The following SLC24A2 variants were observed in gnomAD, a reference collection of about 807,000 sequenced individuals.
SLC24A2 encodes solute carrier family 24 member 2, also known as sodium/potassium/calcium exchanger 2.
A neutral mutation model predicts 62.0 loss-of-function variants in SLC24A2; 36 were observed. The observed-to-expected ratio is 0.58, with a 90% CI of 0.44 to 0.77. SLC24A2 has a LOEUF of 0.77. Ranked by LOEUF, SLC24A2 falls within the 30% of genes least tolerant of loss-of-function variation. The probability of loss-of-function intolerance (pLI) is 0.00; values close to 1 mark genes in which losing one functional copy is unlikely to be tolerated. For synonymous variants in SLC24A2, 358 were observed against 294.0 expected (o/e 1.22, Z -2.23); for missense variants, 846 against 817.9 (o/e 1.03, Z -0.42).
At chr9:19,967,527 C>G in the SLC24A2 span, 1 of 152,340 alleles carries the variant, frequency 6.6e-6, no homozygotes, top group South Asian at 2.1e-4. Context: ...CAGAGTCAGT[C>G]TCTAATGTAG....
the SLC24A2 span, among the ~76,000 whole-genome samples, chr9:19,989,319 G>T: frequency 6.6e-6 from 1 of 152,058 alleles, no homozygotes; most frequent in African/African-American, 2.4e-5. Flanking sequence ...TTTTTAAAAT[G>T]AGAGGGAGGT....
intron 2 of SLC24A2, among the ~76,000 whole-genome samples, chr9:19,749,027 A>C (rs987390556): frequency 2.7e-5 from 4 of 150,728 alleles, no homozygotes; most frequent in Non-Finnish European, 4.4e-5. Context: ...CAGCTTCCAG[A>C]GTTATTTCCA....
intron 2 of SLC24A2, among the ~76,000 whole-genome samples, chr9:19,757,885 T>C (rs1007909): frequency 0.74 from 112,657 of 151,796 alleles, 42,083 homozygotes; most frequent in South Asian, 0.8. Context: ...AATAGATTAG[T>C]TCCCTCTAGA....
the SLC24A2 span, among the ~76,000 whole-genome samples, chr9:19,951,889 T>C: frequency 6.6e-6 from 1 of 152,130 alleles, no homozygotes; most frequent in African/African-American, 2.4e-5. Context: ...AGGATTTTAA[T>C]TGGGGTTACA....
the SLC24A2 span, among the ~76,000 whole-genome samples, chr9:19,836,954 A>G: frequency 6.6e-6 from 1 of 152,234 alleles, no homozygotes; most frequent in Non-Finnish European, 1.5e-5. Context: ...AATTCAGCAT[A>G]TAAACAGAAC....
chr9:20,076,922 TTATATATATTTG>T, the SLC24A2 span, among the ~76,000 whole-genome samples: 2 of 147,224 alleles, frequency 1.4e-5, no homozygotes, highest in Non-Finnish European at 3.0e-5. Context: ...TATACCACAT[TTATATATATTTG>T]TATATATATT....
chr9:20,186,795 T>C, the SLC24A2 span, among the ~76,000 whole-genome samples: 1 of 152,190 alleles, frequency 6.6e-6, no homozygotes, highest in African/African-American at 2.4e-5. Context: ...ACAGAGTAAG[T>C]ATTTAATCAA....
the SLC24A2 span, among the ~76,000 whole-genome samples, chr9:19,904,322 T>C: frequency 5.8e-4 from 89 of 152,270 alleles, 1 homozygote; most frequent in African/African-American, 2.1e-3. Flanking sequence ...CTCTAACCCA[T>C]CATGAGATTA....
chr9:20,175,607 G>A, the SLC24A2 span, among the ~76,000 whole-genome samples: 20 of 151,948 alleles, frequency 1.3e-4, no homozygotes, highest in African/African-American at 3.9e-4. Context: ...ACTAAAAACC[G>A]TCAAAGTGCT....
chr9:19,788,823 G>T, intron 1 of SLC24A2, 62 bp downstream of exon 1: 1 of 985,456 alleles, frequency 1.0e-6, no homozygotes, highest in Non-Finnish European at 1.2e-6. Flanking sequence ...GCGCAACCGG[G>T]ATGCGGGGAC....
intron 2 of SLC24A2, among the ~76,000 whole-genome samples, chr9:19,636,315 T>TTTTCTTTTCTTTCCTTTTCTTTCC: frequency 2.5e-4 from 10 of 40,320 alleles, no homozygotes; most frequent in African/African-American, 8.1e-4. Context: ...TTTTCTTTTC[T>TTTTCTTTTCTTTCCTTTTCTTTCC]TTTCTTTCTT....
chr9:20,041,165 C>T, the SLC24A2 span, among the ~76,000 whole-genome samples: 1,143 of 149,052 alleles, frequency 7.7e-3, 47 homozygotes, highest in East Asian at 0.098. Context: ...TGCGCGCGTG[C>T]GCACGTGTGC....
chr9:20,194,995 C>T, the SLC24A2 span, among the ~76,000 whole-genome samples: 2 of 152,096 alleles, frequency 1.3e-5, no homozygotes, highest in Admixed American at 1.3e-4. Context: ...CATCCGTAAA[C>T]CATGTAAATT....
intron 2 of SLC24A2, among the ~76,000 whole-genome samples, chr9:19,644,714 AAAC>A (rs143857441): frequency 0.03 from 4,527 of 151,370 alleles, 70 homozygotes; most frequent in Middle Eastern, 0.068. Flanking sequence ...AATATGCTTG[AAAC>A]AACAAGTTCA....
the SLC24A2 span, among the ~76,000 whole-genome samples, chr9:20,081,303 A>C: frequency 1.3e-5 from 2 of 152,080 alleles, no homozygotes; most frequent in Non-Finnish European, 2.9e-5. Flanking sequence ...CAGCCATAAA[A>C]AATGATGAGT....
At chr9:19,525,765 G>GTTTTTTT (rs71496823) in intron 9 of SLC24A2, among the ~76,000 whole-genome samples, 2 of 99,132 alleles carry the variant, frequency 2.0e-5, no homozygotes, top group African/African-American at 3.8e-5. Flanking sequence ...ACATGCTACT[G>GTTTTTTT]TTTTTTTTTT....
At chr9:20,201,339 A>G in the SLC24A2 span, among the ~76,000 whole-genome samples, 1 of 152,214 alleles carries the variant, frequency 6.6e-6, no homozygotes, top group Non-Finnish European at 1.5e-5. Flanking sequence ...AAACTTCACC[A>G]CAGATGGCCT....
At chr9:19,692,595 T>G (rs994330915) in intron 2 of SLC24A2, among the ~76,000 whole-genome samples, 2 of 152,182 alleles carry the variant, frequency 1.3e-5, no homozygotes, top group Non-Finnish European at 2.9e-5. Flanking sequence ...TTTTGTGACT[T>G]CAGGTGGAGT....
the SLC24A2 span, chr9:19,929,604 A>C: frequency 1.3e-5 from 2 of 152,180 alleles, no homozygotes; most frequent in Non-Finnish European, 2.9e-5. Context: ...ATAATAATAA[A>C]TGACGATGTT....
Sources: allele counts gnomAD v4.1 joint callset (sites outside exome capture counted in the v4.1 genomes callset), GRCh38; gene constraint gnomAD v4.1.1; transcripts MANE v1.5; gene names NCBI Gene and HGNC (gene_info 2026-07-23, HGNC 2026-07-21).